EPC1: variants seen among roughly 807,000 people sequenced by gnomAD.
EPC1 encodes enhancer of polycomb 1.
In EPC1, 12 loss-of-function variants were observed where a neutral mutation model predicts 98.4. The observed-to-expected ratio is 0.12, with a 90% CI of 0.08 to 0.20. The LOEUF is 0.20. EPC1 is among the 10% of genes least tolerant of loss of function. EPC1 has a pLI of 1.00. For synonymous variants in EPC1, 357 were observed against 363.9 expected (o/e 0.98, Z 0.21); for missense variants, 729 against 990.5 (o/e 0.74, Z 3.54).
At chr10:32,270,821 C>CAAAAAA (rs55931034) in intron 13 of EPC1, among the ~76,000 whole-genome samples, 1 of 57,934 alleles carries the variant, frequency 1.7e-5, no homozygotes, top group African/African-American at 6.8e-5. Flanking sequence ...GACTCGGTCT[C>CAAAAAA]AAAAAAAAAA....
intron 1 of EPC1, among the ~76,000 whole-genome samples, chr10:32,309,584 G>A (rs76973694): frequency 0.034 from 5,138 of 150,034 alleles, 269 homozygotes; most frequent in African/African-American, 0.11. Context: ...GGCTGGGCAC[G>A]GTGGCTCACG....
intron 1 of EPC1, among the ~76,000 whole-genome samples, chr10:32,361,044 A>G (rs908258465): frequency 6.6e-6 from 1 of 152,278 alleles, no homozygotes; most frequent in Admixed American, 6.5e-5. Context: ...AAGGCAACTT[A>G]AAAGTGTGCT....
At chr10:32,373,368 C>T (rs1017410452) in intron 1 of EPC1, among the ~76,000 whole-genome samples, 3 of 152,190 alleles carry the variant, frequency 2.0e-5, no homozygotes, top group African/African-American at 7.2e-5. Context: ...AGTGACATAT[C>T]TGGCCACTGA....
intron 2 of EPC1, among the ~76,000 whole-genome samples, chr10:32,300,583 A>G (rs1270405203): frequency 1.3e-5 from 2 of 151,608 alleles, no homozygotes; most frequent in African/African-American, 2.4e-5. Context: ...ACAGATGCAC[A>G]CCACCATGCC....
chr10:32,273,378 A>G (rs748399067), intron 10 of EPC1, 97 bp from the exon 11 acceptor site: 17 of 1,427,696 alleles, frequency 1.2e-5, no homozygotes, highest in Non-Finnish European at 1.6e-5. Flanking sequence ...TCTGTGCAAA[A>G]TTGAAGCATC....
chr10:32,368,369 C>A (rs765720847), intron 1 of EPC1, among the ~76,000 whole-genome samples: 1 of 152,138 alleles, frequency 6.6e-6, no homozygotes, highest in Non-Finnish European at 1.5e-5. Flanking sequence ...TCCGCACTGG[C>A]TTCTAGCTGT....
intron 10 of EPC1, among the ~76,000 whole-genome samples, chr10:32,273,482 G>T (rs1343063666): frequency 6.8e-6 from 1 of 146,170 alleles, no homozygotes; most frequent in African/African-American, 2.5e-5. Context: ...TGAATTTAAA[G>T]AAAAAAAAAA....
intron 5 of EPC1, 101 bp downstream of exon 5, chr10:32,292,395 A>G: frequency 4.7e-6 from 4 of 844,896 alleles, no homozygotes; most frequent in South Asian, 2.6e-5. Context: ...TTAAAAAAAG[A>G]TATTTCTGTA....
intron 1 of EPC1, among the ~76,000 whole-genome samples, chr10:32,326,116 G>C (rs1375795006): frequency 6.6e-6 from 1 of 152,182 alleles, no homozygotes; most frequent in Non-Finnish European, 1.5e-5. Context: ...ACTGCAAGGA[G>C]TTGTAGGACA....
chr10:32,280,230 G>A (rs562200718), intron 10 of EPC1, among the ~76,000 whole-genome samples: 5 of 152,248 alleles, frequency 3.3e-5, no homozygotes, highest in African/African-American at 4.8e-5. Context: ...TAAGGTAGGC[G>A]GATCACTTGA....
At chr10:32,273,829 C>T (rs1222819750) in intron 10 of EPC1, 3 of 151,548 alleles carry the variant, frequency 2.0e-5, no homozygotes, top group Non-Finnish European at 4.4e-5. Context: ...TGGTTTATTG[C>T]TTTTTTTTAA....
chr10:32,315,004 C>T (rs1262857142), intron 1 of EPC1, among the ~76,000 whole-genome samples: 3 of 152,338 alleles, frequency 2.0e-5, no homozygotes, highest in Middle Eastern at 3.4e-3. Flanking sequence ...ATACTTAGGG[C>T]ATTGTGCTAT....
chr10:32,271,822 T>C lies in EPC1; in HGVS notation c.2101A>G (p.Asn701Asp), dbSNP rs114249238. The C allele has an allele frequency of 6.2e-7, 1 of 1,614,172 alleles. No homozygotes were observed. Among genetic ancestry groups the C allele is most frequent in the African/African-American group, 1.3e-5 (1 of 75,028 alleles). ...TAGSALLQPS[N>D]ITQTSSSHSA... ...TGGGAACTTGAAGTCTGTGTAATAT[T>C]TGAAGGCTGTAACAAAGCTGAACCT... The change falls in exon 13 of 14, where the codon AAT becomes GAT. Residue 701 changes from asparagine to aspartate, a missense_variant. Asn to Asp is a conservative substitution (Grantham distance 23). Transcript: ENST00000319778.
chr10:32,343,719 C>T (rs1442266268), intron 1 of EPC1, among the ~76,000 whole-genome samples: 3 of 148,732 alleles, frequency 2.0e-5, no homozygotes, highest in Non-Finnish European at 4.4e-5. Context: ...AGGGCTTCTA[C>T]TTAAAGTTGT....
Position 32,287,189 on chromosome 10 carries a change from T to C in EPC1, c.1061A>G (p.Gln354Arg). Reference sequence around the variant, plus strand: ...TGGCAGTGCAGCAGGACTCGTCTGTTGGGGAGTAGCAGCGGCAGACGATGG... The same window carrying C: ...TGGCAGTGCAGCAGGACTCGTCTGTCGGGGAGTAGCAGCGGCAGACGATGG... Reference protein sequence around the residue: ...VLPSSAAATPQQTSPAALPVF... With the variant: ...VLPSSAAATPRQTSPAALPVF... The change falls in exon 7 of 14, where the codon CAA becomes CGA. Residue 354 changes from glutamine (Q) to arginine (R), a missense_variant. Coordinates refer to ENST00000319778, the MANE Select transcript of EPC1 (RefSeq NM_001272004.3). 2.5e-6 allele frequency: 4 copies of C among 1,614,148 alleles called. No homozygotes were observed. Among genetic ancestry groups the C allele is most frequent in the East Asian group, 4.5e-5 (2 of 44,876 alleles).
At position 32,290,379 on chromosome 10, in the gene EPC1, G is replaced by C. The variant is rs188086137; in HGVS notation, c.975+784C>G. Among the ~76,000 whole-genome samples the C allele has an allele frequency of 3.3e-5, 5 of 151,124 alleles. No individual in the cohort carries two copies. In the East Asian group the frequency reaches 7.8e-4, roughly 24 times the overall value. ...GTGCTACCTGTAGTCCCAGCTACTC[G>C]GGGAGGCGAGGCAGGAGAATCGCTT... is the stretch of plus-strand genomic sequence containing the variant. On this transcript the variant is annotated intron_variant, in intron 6 of 13. Coordinates refer to ENST00000319778, the MANE Select transcript of EPC1 (RefSeq NM_001272004.3).
intron 13 of EPC1, among the ~76,000 whole-genome samples, chr10:32,270,798 G>A (rs998452545): frequency 4.5e-5 from 6 of 132,212 alleles, no homozygotes; most frequent in Admixed American, 4.2e-4. Context: ...CTCCAGCCTG[G>A]GCAACAGAGC....
intron 1 of EPC1, among the ~76,000 whole-genome samples, chr10:32,309,613 T>G (rs1280589257): frequency 6.6e-6 from 1 of 151,410 alleles, no homozygotes; most frequent in East Asian, 1.9e-4. Context: ...CCCAGCACTT[T>G]GGGAGGCCAA....
chr10:32,323,113 T>TACA (rs10640328), intron 1 of EPC1, among the ~76,000 whole-genome samples: 129,703 of 151,842 alleles, frequency 0.85, 55,496 homozygotes, highest in East Asian at 0.96. Context: ...TGTAAATATG[T>TACA]ACTATTATGT....
Sources: gnomAD v4.1 joint callset for allele counts (sites outside exome capture counted in the v4.1 genomes callset) on GRCh38, gnomAD v4.1.1 for gene constraint, MANE v1.5 for transcripts, NCBI Gene and HGNC (gene_info 2026-07-23, HGNC 2026-07-21) for gene names.